ART3: variants seen among roughly 807,000 people sequenced by gnomAD.
ART3 encodes ADP-ribosyltransferase 3 (inactive).
Under a neutral mutation model 48.5 loss-of-function variants are expected in ART3, and 49 were observed. That is an observed-to-expected ratio of 1.01 (90% CI 0.80 to 1.28). The LOEUF is 1.28. Ranked by LOEUF, ART3 falls within the 50% of genes most tolerant of loss-of-function variation. The pLI, the probability that ART3 is intolerant of heterozygous loss-of-function variation, is 0.00. For synonymous variants in ART3, 145 were observed against 157.2 expected (o/e 0.92, Z 0.58); for missense variants, 438 against 454.3 (o/e 0.96, Z 0.33).
At chr4:76,053,816 A>G (rs866343348) in intron 1 of ART3, among the ~76,000 whole-genome samples, 28 of 152,176 alleles carry the variant, frequency 1.8e-4, no homozygotes, top group African/African-American at 6.8e-4. Flanking sequence ...TATGTGAGCC[A>G]GGAACAGTGG....
At chr4:76,069,385 C>A (rs77400655) in intron 1 of ART3, among the ~76,000 whole-genome samples, 15 of 96,308 alleles carry the variant, frequency 1.6e-4, no homozygotes, top group East Asian at 3.4e-4. Context: ...GTACTTAATT[C>A]CTTTTTTTTT....
At chr4:76,092,368 C>T (rs1425047466) in intron 3 of ART3, among the ~76,000 whole-genome samples, 1 of 152,124 alleles carries the variant, frequency 6.6e-6, no homozygotes, top group East Asian at 1.9e-4. Flanking sequence ...TTTATTTCAC[C>T]TTCAGTTTTG....
At chr4:76,035,944 C>T in intron 1 of ART3, 2 of 1,613,712 alleles carry the variant, frequency 1.2e-6, no homozygotes, top group Non-Finnish European at 1.7e-6. Flanking sequence ...AACTGTAGCA[C>T]ACAATATCAC....
intron 2 of ART3, among the ~76,000 whole-genome samples, chr4:76,077,241 G>C (rs1309372526): frequency 6.6e-6 from 1 of 152,126 alleles, no homozygotes; most frequent in Non-Finnish European, 1.5e-5. Context: ...CTATGGTTTT[G>C]CCTATTCTGG....
intron 1 of ART3, among the ~76,000 whole-genome samples, chr4:76,052,232 G>C (rs1736180658): frequency 6.6e-6 from 1 of 152,132 alleles, no homozygotes; most frequent in Non-Finnish European, 1.5e-5. Context: ...GACATAAGAA[G>C]AGATTTCCAA....
At chr4:76,032,075 T>C (rs1177701368) in intron 1 of ART3, among the ~76,000 whole-genome samples, 1 of 152,208 alleles carries the variant, frequency 6.6e-6, no homozygotes, top group Non-Finnish European at 1.5e-5. Context: ...GGCTCAAATA[T>C]GTTAATTATT....
chr4:76,097,496 C>T (rs1014643690), intron 3 of ART3, 148 bp from the exon 4 acceptor site: 2 of 642,416 alleles, frequency 3.1e-6, no homozygotes, highest in Non-Finnish European at 5.4e-6. Context: ...CATGAGCCAC[C>T]ATGCCCAGCC....
At chr4:76,081,457 C>T (rs1479935153) in intron 2 of ART3, among the ~76,000 whole-genome samples, 1 of 152,204 alleles carries the variant, frequency 6.6e-6, no homozygotes, top group Non-Finnish European at 1.5e-5. Context: ...TTCAAATTCC[C>T]AACAGCCTTG....
intron 1 of ART3, among the ~76,000 whole-genome samples, chr4:76,028,127 T>C (rs1442923881): frequency 6.6e-6 from 1 of 152,084 alleles, no homozygotes; most frequent in African/African-American, 2.4e-5. Flanking sequence ...AGGGTTCTGC[T>C]CAGGGTAGAA....
intron 1 of ART3, among the ~76,000 whole-genome samples, chr4:76,066,887 C>G (rs1719787463): frequency 6.6e-6 from 1 of 152,142 alleles, no homozygotes; most frequent in Non-Finnish European, 1.5e-5. Context: ...AGGGAGAAGC[C>G]AAGCAGTGGG....
intron 3 of ART3, among the ~76,000 whole-genome samples, chr4:76,096,696 G>A (rs1359378744): frequency 6.6e-6 from 1 of 152,188 alleles, no homozygotes; most frequent in Admixed American, 6.5e-5. Flanking sequence ...GGGAATCACT[G>A]CAGTGCTGAC....
chr4:76,104,369 C>G, intron 9 of ART3: 1 of 985,400 alleles, frequency 1.0e-6, no homozygotes, highest in Non-Finnish European at 1.2e-6. Context: ...ACGATATTCT[C>G]CTGGCATAAA....
chr4:76,054,803 A>G (rs1718519998), intron 1 of ART3, among the ~76,000 whole-genome samples: 1 of 152,258 alleles, frequency 6.6e-6, no homozygotes, highest in South Asian at 2.1e-4. Flanking sequence ...ACTGCACTCC[A>G]GGCTAGGCTA....
chr4:76,042,367 A>G (rs1270132121), intron 1 of ART3, among the ~76,000 whole-genome samples: 1 of 152,204 alleles, frequency 6.6e-6, no homozygotes, highest in Non-Finnish European at 1.5e-5. Context: ...ATGAAAACTA[A>G]TGTTTCCATT....
intron 2 of ART3, among the ~76,000 whole-genome samples, chr4:76,078,122 G>T (rs1462806584): frequency 1.3e-5 from 2 of 151,350 alleles, no homozygotes; most frequent in East Asian, 3.9e-4. Context: ...TAATCAGCTT[G>T]TTCACCTAGC....
chr4:76,055,566 G>A (rs193267708), intron 1 of ART3, among the ~76,000 whole-genome samples: 1 of 152,274 alleles, frequency 6.6e-6, no homozygotes, highest in Admixed American at 6.5e-5. Flanking sequence ...GGAGTGAAAG[G>A]CATCTCAAAG....
At chr4:76,046,610 C>T (rs1735521055) in intron 1 of ART3, among the ~76,000 whole-genome samples, 1 of 151,936 alleles carries the variant, frequency 6.6e-6, no homozygotes. Context: ...TTTTGCCCTT[C>T]CAAATTGTCC....
At chr4:76,091,403 C>G (rs561861385) in intron 3 of ART3, among the ~76,000 whole-genome samples, 25 of 152,192 alleles carry the variant, frequency 1.6e-4, no homozygotes, top group Non-Finnish European at 3.2e-4. Context: ...TTCTTGCCGA[C>G]ACTTGATAGA....
intron 1 of ART3, among the ~76,000 whole-genome samples, chr4:76,062,974 T>G (rs1719380815): frequency 6.6e-6 from 1 of 152,150 alleles, no homozygotes; most frequent in African/African-American, 2.4e-5. Flanking sequence ...ATCACTTGTT[T>G]AAGTCCCTTA....
Sources: gnomAD v4.1 joint callset for allele counts (sites outside exome capture counted in the v4.1 genomes callset) on GRCh38, gnomAD v4.1.1 for gene constraint, MANE v1.5 for transcripts, NCBI Gene and HGNC (gene_info 2026-07-23, HGNC 2026-07-21) for gene names.